PIEZO1: variants seen among roughly 807,000 people sequenced by gnomAD.
PIEZO1 encodes the protein piezo-type mechanosensitive ion channel component 1.
A neutral mutation model predicts 297.2 loss-of-function variants in PIEZO1; 296 were observed. That is an observed-to-expected ratio of 1.00 (90% CI 0.91 to 1.10). PIEZO1 has a LOEUF of 1.10. Ranked by LOEUF, PIEZO1 falls within the 50% of genes least tolerant of loss-of-function variation. The pLI is 0.00. For synonymous variants in PIEZO1, 2,427 were observed against 1,507.5 expected, an observed-to-expected ratio of 1.61 and a Z score of -14.13; for missense variants, 5,018 against 3,455.5, an observed-to-expected ratio of 1.45 and a Z score of -11.34.
rs765031778 is a variant in PIEZO1, at chr16:88,732,759, C to A, written c.2665-27G>T. ...TGGCAAGAGGCCAGGCATCAGTGCC[C>A]CCTCCCAGGCCACAGTGCCCCCTGG... On this transcript the variant is annotated intron_variant, in intron 19 of 50. Coordinates refer to ENST00000301015, the MANE Select transcript of PIEZO1 (RefSeq NM_001142864.4). 14 of 1,519,690 alleles carry A rather than the reference C, an allele frequency of 9.2e-6. No individual in the cohort carries two copies. In the African/African-American group the frequency reaches 1.7e-4, roughly 18 times the overall value. 94.1% of individuals were successfully genotyped at this position (1,519,690 alleles called of 1,614,324 possible).
Position 88,715,383 on chromosome 16 carries a change from A to AAAAC in PIEZO1, c.*218_*221dup, listed in dbSNP as rs1354018443. Reference sequence around the variant, plus strand: ...AATAAAACATTTTTTAATTAAAAAAAAAACTCTACAGTACACGTGGGGGAC... The same window carrying AAAAC: ...AATAAAACATTTTTTAATTAAAAAAAAAACAAACTCTACAGTACACGTGGGGGAC... On this transcript the variant is annotated 3_prime_UTR_variant, in exon 51 of 51. Coordinates refer to ENST00000301015, the MANE Select transcript of PIEZO1 (RefSeq NM_001142864.4). The AAAAC allele has an allele frequency of 2.7e-6, 3 of 1,121,214 alleles. No homozygotes were observed. The African/African-American group carries it at 4.7e-5, about 18-fold the overall frequency. 69.5% of individuals were successfully genotyped at this position (1,121,214 alleles called of 1,614,324 possible).
chr16:88,723,395 T>A (rs1904298518), intron 31 of PIEZO1, 67 bp from the exon 32 acceptor site: 2 of 1,519,484 alleles, frequency 1.3e-6, no homozygotes, highest in East Asian at 4.9e-5. Flanking sequence ...GAAGCTGGGG[T>A]TGGGCAAGCC....
chr16:88,774,685 G>C (rs540624454), intron 1 of PIEZO1, among the ~76,000 whole-genome samples: 20 of 152,334 alleles, frequency 1.3e-4, no homozygotes, highest in African/African-American at 4.8e-4. Flanking sequence ...ACAAGGATGG[G>C]GCCCAAGGGC....
intron 5 of PIEZO1, chr16:88,741,223 C>G: frequency 2.3e-6 from 1 of 431,128 alleles, no homozygotes; most frequent in Non-Finnish European, 4.2e-6. Context: ...GTGAAGAGTT[C>G]CTAAGGGCAC....
rs557455447 is a variant in PIEZO1 at position 88,732,318 on chromosome 16, C to T, written c.2991+17G>A. Reference sequence around the variant, plus strand: ...GGCCAAGCCCTGCCCCAGGGGGAGGCAATGTCCTTGCCTCACCTCCAGCCC... The same window carrying T: ...GGCCAAGCCCTGCCCCAGGGGGAGGTAATGTCCTTGCCTCACCTCCAGCCC... On this transcript the variant is annotated intron_variant, in intron 21 of 50. Transcript: ENST00000301015. The T allele has an allele frequency of 1.0e-5, 16 of 1,542,888 alleles. No individual in the cohort carries two copies. The African/African-American group carries it at 2.1e-4, about 20-fold the overall frequency.
intron 39 of PIEZO1, 149 bp from the exon 40 acceptor site, chr16:88,720,897 C>T (rs1220595205): frequency 1.2e-5 from 12 of 1,028,308 alleles, no homozygotes; most frequent in Middle Eastern, 2.8e-4. Flanking sequence ...GGCAAGGAGA[C>T]AGCTGGGGCT....
intron 1 of PIEZO1, among the ~76,000 whole-genome samples, chr16:88,751,344 A>T (rs1440817058): frequency 6.6e-6 from 1 of 152,200 alleles, no homozygotes; most frequent in African/African-American, 2.4e-5. Context: ...TGCACCTGAA[A>T]GGGTCAGGGG....
chr16:88,738,121 C>T lies in PIEZO1; in HGVS notation c.849-16G>A. On this transcript the variant is annotated splice_polypyrimidine_tract_variant and intron_variant, in intron 7 of 50. Coordinates refer to ENST00000301015, the MANE Select transcript of PIEZO1 (RefSeq NM_001142864.4). ...ACCCAGCACCCTGTCCAGAGAAGAC[C>T]CGTCACAGCCTACCACCCCAGAGGC... The T allele has an allele frequency of 1.3e-6, 2 of 1,535,788 alleles. No homozygotes were observed. Among genetic ancestry groups the T allele is most frequent in the East Asian group, 2.4e-5 (1 of 40,908 alleles).
intron 44 of PIEZO1, chr16:88,718,650 AG>A (rs1912216280): frequency 6.6e-6 from 1 of 152,238 alleles, no homozygotes; most frequent in Admixed American, 6.5e-5. Context: ...GACCTAGACA[AG>A]GGGTTACTAG....
chr16:88,725,817 G>A (rs910454359), intron 27 of PIEZO1, 133 bp from the exon 28 acceptor site: 33 of 628,596 alleles, frequency 5.2e-5, no homozygotes, highest in Admixed American at 2.4e-4. Context: ...AGGCACCCAC[G>A]GGGGAGGCAT....
intron 6 of PIEZO1, 32 bp from the exon 7 acceptor site, chr16:88,738,472 G>C (rs1567676392): frequency 6.5e-7 from 1 of 1,532,338 alleles, no homozygotes; most frequent in Non-Finnish European, 8.7e-7. Flanking sequence ...GGTGGTACCT[G>C]GCCAGTGCCA....
At position 88,731,849 on chromosome 16, in the gene PIEZO1, T is replaced by A. The variant is rs1904836816; in HGVS notation, c.3053A>T (p.His1018Leu). 1.8e-6 allele frequency: 2 copies of A among 1,135,584 alleles called. No homozygotes were observed. The highest frequency in any genetic ancestry group is 2.2e-6 in the Non-Finnish European group (2 of 908,494). 70.3% of individuals were successfully genotyped at this position (1,135,584 alleles called of 1,614,324 possible). A position where few individuals can be genotyped will look rare whatever the true frequency, so the allele number is the denominator to read the frequency against. Residue 1018 changes from histidine to leucine, a missense_variant, in exon 22 of 51, where the codon CAC becomes CTC. By Grantham distance (99) the His-to-Leu change is moderately conservative. Transcript: ENST00000301015. ...GQRMNFLVTL[H>L]GCWLVAILTR... Reference sequence around the variant, plus strand: ...GAGGATGGCCACCAGCCAGCAACCGTGCAGGGTCACCAGAAAGTTCATGCG... The same window carrying A: ...GAGGATGGCCACCAGCCAGCAACCGAGCAGGGTCACCAGAAAGTTCATGCG...
Position 88,731,826 on chromosome 16 carries a change from G to C in PIEZO1, c.3076C>G (p.Leu1026Val), listed in dbSNP as rs1435359665. 4.2e-6 allele frequency: 6 copies of C among 1,434,494 alleles called. No individual in the cohort carries two copies. The highest frequency in any genetic ancestry group is 6.2e-5 in the East Asian group (2 of 32,470). The allele number at this position is 1,434,494 out of a possible 1,614,324, so 88.9% of individuals were successfully genotyped here. Residue 1026 changes from leucine to valine, a missense_variant, in exon 22 of 51, where the codon CTC (leucine) becomes GTC (valine). Leu to Val is a conservative substitution (Grantham distance 32). Transcript: ENST00000301015. ...TLHGCWLVAI[L>V]TRRHRQAIAR... ...ATGGCCTGGCGGTGCCTGCGGGTGAGGATGGCCACCAGCCAGCAACCGTGC... is the reference window on the plus strand; with the variant it reads ...ATGGCCTGGCGGTGCCTGCGGGTGACGATGGCCACCAGCCAGCAACCGTGC...
rs1425974957 is a variant in PIEZO1, at chr16:88,733,369, G to C, written c.2573C>G (p.Ser858Cys). ...PRFRPMASCLSTVWTCVIIVC... is the reference protein window; with the variant it reads ...PRFRPMASCLCTVWTCVIIVC... ...GATGATGACGCAGGTCCACACGGTG[G>C]ACAGGCAGGAGGCCATGGGCCGGAA... Residue 858 changes from serine (S) to cysteine (C), a missense_variant, in exon 19 of 51, where the codon TCC becomes TGC. Coordinates refer to ENST00000301015, the MANE Select transcript of PIEZO1 (RefSeq NM_001142864.4). The C allele has an allele frequency of 1.3e-6, 2 of 1,550,074 alleles. No individual in the cohort carries two copies. Among genetic ancestry groups the C allele is most frequent in the Non-Finnish European group, 8.7e-7 (1 of 1,146,826 alleles).
chr16:88,732,612 T>C lies in PIEZO1; in HGVS notation c.2785A>G (p.Ile929Val). ...CCACCAGCCCTTCAACTCACCTGGA[T>C]GTAGCCCAGGTTGGGGAACCCTTTC... is the stretch of plus-strand genomic sequence containing the variant. ...VRKGFPNLGY[I>V]QNHLQVLLLL... Residue 929 changes from isoleucine to valine, a missense_variant, in exon 20 of 51, where the codon ATC (isoleucine) becomes GTC (valine). Ile to Val is a conservative substitution (Grantham distance 29). Transcript: ENST00000301015. The C allele has an allele frequency of 1.3e-6, 2 of 1,549,026 alleles. No homozygotes were observed. The highest frequency in any genetic ancestry group is 1.7e-6 in the Non-Finnish European group (2 of 1,146,096).
intron 2 of PIEZO1, chr16:88,743,259 C>T: frequency 2.2e-6 from 1 of 456,578 alleles, no homozygotes; most frequent in Non-Finnish European, 4.4e-6. Context: ...TCTCGGCGCA[C>T]ATGTGGACAG....
intron 1 of PIEZO1, among the ~76,000 whole-genome samples, chr16:88,754,973 C>A (rs1906580815): frequency 6.6e-6 from 1 of 152,254 alleles, no homozygotes; most frequent in Non-Finnish European, 1.5e-5. Flanking sequence ...CTGAACCTCC[C>A]ACCCGAGGAC....
rs536189627 is a variant in PIEZO1 at position 88,719,921 on chromosome 16, G to A, written c.6204C>T (p.Phe2068=). The change falls in exon 43 of 51, where the codon TTC becomes TTT. Residue 2068 remains phenylalanine, a synonymous_variant. Transcript: ENST00000301015. ...NQNVVAQLWY[F]VKCIYFALSA... ...ACAGGGCGAAGTAGATGCACTTCACGAAGTACCAGAGCTGGGCCACCACAT... is the reference window on the plus strand; with the variant it reads ...ACAGGGCGAAGTAGATGCACTTCACAAAGTACCAGAGCTGGGCCACCACAT... 34 of 1,550,406 alleles carry A rather than the reference G, an allele frequency of 2.2e-5. No individual in the cohort carries two copies. Among genetic ancestry groups the A allele is most frequent in the Middle Eastern group, 1.7e-4 (1 of 5,992 alleles).
chr16:88,716,372 C>A lies in PIEZO1; in HGVS notation c.7038G>T (p.Ser2346=), dbSNP rs553165820. Residue 2346 remains serine (S), a synonymous_variant, in exon 48 of 51, where the codon TCG becomes TCT. Transcript: ENST00000301015. ...GGCCCTTCACTCACACAGACTGGTCCGAGGTGCCCTCGAGCAGGCTGGCCA... is the reference window on the plus strand; with the variant it reads ...GGCCCTTCACTCACACAGACTGGTCAGAGGTGCCCTCGAGCAGGCTGGCCA... ...RQLASLLEGT[S]DQSVVIPNLF... 2 of 1,541,658 alleles carry A rather than the reference C, an allele frequency of 1.3e-6. No individual in the cohort carries two copies. Among genetic ancestry groups the A allele is most frequent in the East Asian group, 4.9e-5 (2 of 40,844 alleles).
Sources: allele counts gnomAD v4.1 joint callset (sites outside exome capture counted in the v4.1 genomes callset), GRCh38; gene constraint gnomAD v4.1.1; transcripts MANE v1.5; gene names NCBI Gene and HGNC (gene_info 2026-07-23, HGNC 2026-07-21).